NFATC1: variants seen among roughly 807,000 people sequenced by gnomAD.
NFATC1 encodes the protein nuclear factor of activated T-cells, cytoplasmic 1.
In NFATC1, 22 loss-of-function variants were observed where a neutral mutation model predicts 76.0. The ratio of observed to expected loss-of-function variants is 0.29; its 90% confidence interval spans 0.21 to 0.41. NFATC1 has a LOEUF of 0.41. NFATC1 is among the 10% of genes least tolerant of loss of function. The pLI is 1.00. For missense variants in NFATC1, 1,357 were observed against 1,337.7 expected (o/e 1.01, Z -0.23); for synonymous variants, 704 against 613.1 (o/e 1.15, Z -2.19).
intron 2 of NFATC1, among the ~76,000 whole-genome samples, chr18:79,412,678 T>C (rs2085737924): frequency 6.6e-6 from 1 of 152,204 alleles, no homozygotes; most frequent in South Asian, 2.1e-4. Flanking sequence ...GCCTCCAGGC[T>C]GGGAACGAAC....
intron 9 of NFATC1, among the ~76,000 whole-genome samples, chr18:79,492,876 AAAAAAAAAAGAAAAATGAATCCAGCTTTT>A (rs1409565462): frequency 6.9e-6 from 1 of 144,496 alleles, no homozygotes; most frequent in Admixed American, 6.8e-5. Flanking sequence ...TCCATCTCAA[AAAAAAAAAAGAAAAATGAATCCAGCTTTT>A]TTTTTTTTTT....
At chr18:79,482,135 C>T (rs9748730) in intron 8 of NFATC1, among the ~76,000 whole-genome samples, 1,616 of 146,294 alleles carry the variant, frequency 0.011, 33 homozygotes, top group African/African-American at 0.039. Context: ...TCCAGCATGA[C>T]CTCGTTCCTG....
chr18:79,413,923 C>T (rs1306069087), intron 2 of NFATC1, among the ~76,000 whole-genome samples: 1 of 152,168 alleles, frequency 6.6e-6, no homozygotes, highest in Non-Finnish European at 1.5e-5. Context: ...GGCTGCAGAG[C>T]GCCCAGTTAG....
At chr18:79,486,188 C>T (rs1469497678) in intron 8 of NFATC1, 60 bp from the exon 9 acceptor site, 4 of 1,501,622 alleles carry the variant, frequency 2.7e-6, no homozygotes, top group Non-Finnish European at 3.6e-6. Flanking sequence ...AGCCACAAGC[C>T]TGCCTGATCA....
intron 2 of NFATC1, chr18:79,421,220 C>T (rs149574519): frequency 0.014 from 2,133 of 152,430 alleles, 24 homozygotes; most frequent in Non-Finnish European, 0.02. Context: ...CCCATCACGG[C>T]AGTTCTGAGG....
chr18:79,458,834 C>T (rs971274209), intron 6 of NFATC1, among the ~76,000 whole-genome samples: 2 of 152,246 alleles, frequency 1.3e-5, no homozygotes, highest in East Asian at 1.9e-4. Flanking sequence ...TCCTGAGATG[C>T]GAGGTTATTT....
intron 3 of NFATC1, among the ~76,000 whole-genome samples, chr18:79,443,315 C>G (rs1208383826): frequency 2.0e-5 from 3 of 152,214 alleles, no homozygotes; most frequent in Non-Finnish European, 4.4e-5. Flanking sequence ...ACACACTTGC[C>G]TCGGGCCCCC....
intron 8 of NFATC1, among the ~76,000 whole-genome samples, chr18:79,485,302 G>A (rs946260656): frequency 6.6e-5 from 10 of 152,256 alleles, no homozygotes; most frequent in Non-Finnish European, 1.5e-4. Context: ...CGTCTGTTAG[G>A]AATGTATGTG....
chr18:79,480,686 T>TGCCCCA (rs1243249609), intron 8 of NFATC1, among the ~76,000 whole-genome samples: 2 of 152,180 alleles, frequency 1.3e-5, no homozygotes, highest in Non-Finnish European at 1.5e-5. Flanking sequence ...GCCACCCGGT[T>TGCCCCA]GCCCCAGCCC....
At chr18:79,493,078 G>T (rs931125331) in intron 9 of NFATC1, among the ~76,000 whole-genome samples, 1 of 152,116 alleles carries the variant, frequency 6.6e-6, no homozygotes, top group East Asian at 1.9e-4. Flanking sequence ...AGCCACAGAG[G>T]TTCAGTTTTT....
At position 79,492,691 on chromosome 18, in the gene NFATC1, A is replaced by C. The variant is rs567014638; in HGVS notation, c.2782+5754A>C. On this transcript the variant is annotated intron_variant, in intron 9 of 9. Transcript: ENST00000427363. ...GCCACTGCACTCCAGCCTGGGTGAC[A>C]GAGCGAGACTCCATCTCAAAAAAAA... 5.3e-5 allele frequency among the ~76,000 whole-genome samples: 8 copies of C among 150,482 alleles called. 1 individual carries two copies. In the South Asian group the frequency reaches 1.7e-3, roughly 32 times the overall value.
In NFATC1 at chr18:79,486,818, C is replaced by T. The variant is rs747699339; in HGVS notation, c.2663C>T (p.Pro888Leu). The change falls in exon 9 of 10, where the codon CCG becomes CTG. Residue 888 changes from proline (P) to leucine (L), a missense_variant. By Grantham distance (98) the Pro-to-Leu change is moderately conservative. Transcript: ENST00000427363. ...TCCACGGTCCGCAGGGACGAGTCTC[C>T]GACTGCCGGGCCACGGCTGCTGCCA... ...LPSTVRRDESPTAGPRLLPEV... is the reference protein window; with the variant it reads ...LPSTVRRDESLTAGPRLLPEV... 17 of 1,611,508 alleles carry T rather than the reference C, an allele frequency of 1.1e-5. No individual in the cohort carries two copies. Among genetic ancestry groups the T allele is most frequent in the African/African-American group, 5.3e-5 (4 of 74,914 alleles).
intron 7 of NFATC1, 83 bp from the exon 8 acceptor site, chr18:79,467,367 G>A (rs1269599782): frequency 8.2e-6 from 11 of 1,341,464 alleles, no homozygotes; most frequent in South Asian, 7.4e-5. Flanking sequence ...GTGGAAACGC[G>A]GGGTTGCCGT....
intron 9 of NFATC1, among the ~76,000 whole-genome samples, chr18:79,515,180 A>C (rs1163597535): frequency 1.3e-5 from 2 of 151,870 alleles, no homozygotes; most frequent in Admixed American, 6.6e-5. Flanking sequence ...CCCCATCTCT[A>C]CTAAAAATAC....
chr18:79,508,219 T>TGGGG (rs2090161324), intron 9 of NFATC1, among the ~76,000 whole-genome samples: 1 of 150,882 alleles, frequency 6.6e-6, no homozygotes. Context: ...AGAAAAAAGG[T>TGGGG]GGAGGGAGGG....
chr18:79,435,753 A>C (rs1327675897), intron 3 of NFATC1, among the ~76,000 whole-genome samples: 1 of 152,164 alleles, frequency 6.6e-6, no homozygotes, highest in African/African-American at 2.4e-5. Flanking sequence ...AAATATCTTT[A>C]AAATGTACCC....
At chr18:79,400,387 C>G in intron 1 of NFATC1, 1 of 1,483,282 alleles carries the variant, frequency 6.7e-7, no homozygotes, top group Non-Finnish European at 9.0e-7. Context: ...CCGGCCCGAC[C>G]CGCCATGACG....
chr18:79,397,478 C>T (rs1185638688), intron 1 of NFATC1, among the ~76,000 whole-genome samples: 2 of 152,202 alleles, frequency 1.3e-5, no homozygotes, highest in African/African-American at 4.8e-5. Flanking sequence ...AGCACAGGGC[C>T]GTGAGCTCCA....
intron 8 of NFATC1, among the ~76,000 whole-genome samples, chr18:79,483,472 G>A (rs188979558): frequency 1.2e-4 from 16 of 139,022 alleles, no homozygotes; most frequent in Non-Finnish European, 2.2e-4. Context: ...CCTGGTTCCT[G>A]GGGTGTCACT....
Sources: allele counts gnomAD v4.1 joint callset (sites outside exome capture counted in the v4.1 genomes callset), GRCh38; gene constraint gnomAD v4.1.1; transcripts MANE v1.5; gene names NCBI Gene and HGNC (gene_info 2026-07-23, HGNC 2026-07-21).